Variants in CRIM1 observed in about 807,000 individuals in gnomAD.
The protein encoded by CRIM1 is cysteine-rich motor neuron 1 protein.
Under a neutral mutation model 116.4 loss-of-function variants are expected in CRIM1, and 32 were observed. That is an observed-to-expected ratio of 0.27 (90% CI 0.21 to 0.37). CRIM1 has a LOEUF of 0.37. Ranked by LOEUF, CRIM1 falls within the 10% of genes least tolerant of loss-of-function variation. The pLI, the probability that CRIM1 is intolerant of heterozygous loss-of-function variation, is 1.00. For synonymous variants in CRIM1, 590 were observed against 509.2 expected, an observed-to-expected ratio of 1.16 and a Z score of -2.13; for missense variants, 1,331 against 1,354.8, an observed-to-expected ratio of 0.98 and a Z score of 0.28.
intron 2 of CRIM1, among the ~76,000 whole-genome samples, chr2:36,435,976 G>T (rs1411908012): frequency 6.6e-6 from 1 of 150,736 alleles, no homozygotes; most frequent in Non-Finnish European, 1.5e-5. Flanking sequence ...ATCAGACATA[G>T]AAGTTATTTT....
intron 1 of CRIM1, among the ~76,000 whole-genome samples, chr2:36,388,393 T>G (rs1416307454): frequency 1.3e-5 from 2 of 152,222 alleles, no homozygotes; most frequent in African/African-American, 2.4e-5. Context: ...AAATTTAAAT[T>G]ATGACTGCCA....
intron 5 of CRIM1, among the ~76,000 whole-genome samples, 198 bp from the exon 6 acceptor site, chr2:36,476,691 G>C (rs1678998026): frequency 6.6e-6 from 1 of 152,148 alleles, no homozygotes; most frequent in Non-Finnish European, 1.5e-5. Flanking sequence ...GGTGTAAACT[G>C]GATAACAGTG....
At chr2:36,539,986 G>C (rs1666836515) in intron 14 of CRIM1, among the ~76,000 whole-genome samples, 1 of 152,072 alleles carries the variant, frequency 6.6e-6, no homozygotes, top group Non-Finnish European at 1.5e-5. Context: ...AAAGAAAAGA[G>C]AGCGCAGGAC....
At chr2:36,433,877 ACT>A (rs1331130840) in intron 2 of CRIM1, among the ~76,000 whole-genome samples, 5 of 152,146 alleles carry the variant, frequency 3.3e-5, no homozygotes, top group East Asian at 3.9e-4. Context: ...CCAAGAAAAG[ACT>A]CTGCAAAGAT....
In CRIM1 at chr2:36,482,279, G is replaced by A. The variant is rs572936754; in HGVS notation, c.1372+2585G>A. On this transcript the variant is annotated intron_variant, in intron 7 of 16. Transcript: ENST00000280527. ...GTTGAGTAGTGAGTTTCATATGAAT[G>A]TATTTACTCTCCAATAATGCTTTCA... Among the ~76,000 whole-genome samples, 3 of 152,180 alleles carry A rather than the reference G, an allele frequency of 2.0e-5. No individual in the cohort carries two copies. In the South Asian group the frequency reaches 6.2e-4, roughly 32 times the overall value.
intron 13 of CRIM1, among the ~76,000 whole-genome samples, chr2:36,525,457 G>C (rs996079995): frequency 1.3e-5 from 2 of 152,196 alleles, no homozygotes; most frequent in African/African-American, 4.8e-5. Context: ...GTTGCCAGCT[G>C]TGCTTCATTG....
rs566791961 is a variant in CRIM1 at position 36,397,023 on chromosome 2, C to T, written c.505+236C>T. 3.3e-5 allele frequency among the ~76,000 whole-genome samples: 5 copies of T among 152,230 alleles called. No individual in the cohort carries two copies. In the East Asian group the frequency reaches 7.7e-4, roughly 24 times the overall value. On this transcript the variant is annotated intron_variant, in intron 2 of 16. Transcript: ENST00000280527. ...GAGCAGGGCCCTCTGTGCCAGCCCTCCTAGGCCACCTCTGCATAATGGATG... is the reference window on the plus strand; with the variant it reads ...GAGCAGGGCCCTCTGTGCCAGCCCTTCTAGGCCACCTCTGCATAATGGATG...
At chr2:36,436,046 A>G (rs1675287659) in intron 2 of CRIM1, among the ~76,000 whole-genome samples, 1 of 151,860 alleles carries the variant, frequency 6.6e-6, no homozygotes, top group Non-Finnish European at 1.5e-5. Context: ...GACTTCAAAT[A>G]GATAAAATTA....
At chr2:36,487,297 G>A (rs1679895048) in intron 7 of CRIM1, among the ~76,000 whole-genome samples, 5 of 152,124 alleles carry the variant, frequency 3.3e-5, no homozygotes, top group Admixed American at 2.0e-4. Flanking sequence ...ACAAGGTCCC[G>A]CCAGATAATA....
chr2:36,535,146 GGA>G lies in CRIM1; in HGVS notation c.2429-2200_2429-2199del, dbSNP rs1260204759. 2.3e-4 allele frequency among the ~76,000 whole-genome samples: 30 copies of G among 132,996 alleles called. No individual in the cohort carries two copies. In the East Asian group the frequency reaches 2.8e-3, roughly 12 times the overall value. The allele number at this position is 132,996 out of a possible 152,430, so 87.3% of individuals were successfully genotyped here. A position where few individuals can be genotyped will look rare whatever the true frequency, so the allele number is the denominator to read the frequency against. Reference sequence around the variant, plus strand: ...GAGGGAGGGAGGGAAGGGGAAGGAAGGAGAGAGGGGGAAGGAAGGAGGACAGG... The same window carrying G: ...GAGGGAGGGAGGGAAGGGGAAGGAAGGAGAGGGGGAAGGAAGGAGGACAGG... On this transcript the variant is annotated intron_variant, in intron 13 of 16. Coordinates refer to ENST00000280527, the MANE Select transcript of CRIM1 (RefSeq NM_016441.3).
intron 4 of CRIM1, among the ~76,000 whole-genome samples, chr2:36,450,895 C>G (rs1189728623): frequency 6.6e-6 from 1 of 152,168 alleles, no homozygotes; most frequent in Admixed American, 6.5e-5. Flanking sequence ...CACACTGTTT[C>G]TTGTGAATAG....
At chr2:36,364,568 G>A (rs1420696237) in intron 1 of CRIM1, among the ~76,000 whole-genome samples, 1 of 152,150 alleles carries the variant, frequency 6.6e-6, no homozygotes, top group Non-Finnish European at 1.5e-5. Context: ...AGAAAGACCT[G>A]AGGGTCTCCT....
chr2:36,437,005 T>A (rs1346080515), intron 2 of CRIM1, among the ~76,000 whole-genome samples: 2 of 152,256 alleles, frequency 1.3e-5, no homozygotes, highest in African/African-American at 2.4e-5. Flanking sequence ...TAATTAAAAT[T>A]GTTTGTATAA....
Position 36,486,041 on chromosome 2 carries a change from A to T in CRIM1, c.1372+6347A>T, listed in dbSNP as rs139327595. Among the ~76,000 whole-genome samples, 693 of 152,306 alleles carry T rather than the reference A, an allele frequency of 4.6e-3. 18 individuals are homozygous for T. Among genetic ancestry groups the T allele is most frequent in the Admixed American group, 0.042 (637 of 15,300 alleles). ...TAACATAAACATCAGAAATTTTTCA[A>T]TGTTGAATATTGTCATATTTTGATT... is the stretch of plus-strand genomic sequence containing the variant. On this transcript the variant is annotated intron_variant, in intron 7 of 16. Transcript: ENST00000280527.
At chr2:36,494,287 G>A (rs180764448) in intron 7 of CRIM1, among the ~76,000 whole-genome samples, 45 of 152,232 alleles carry the variant, frequency 3.0e-4, no homozygotes, top group Non-Finnish European at 5.4e-4. Flanking sequence ...TACCGATGGT[G>A]TTTTTCAATA....
intron 10 of CRIM1, among the ~76,000 whole-genome samples, chr2:36,513,093 T>C (rs1664799248): frequency 6.6e-6 from 1 of 152,196 alleles, no homozygotes; most frequent in Non-Finnish European, 1.5e-5. Context: ...GTTACCACCT[T>C]AATGGTGTTT....
chr2:36,455,157 G>C (rs964895827), intron 4 of CRIM1, among the ~76,000 whole-genome samples: 4 of 152,120 alleles, frequency 2.6e-5, no homozygotes, highest in African/African-American at 9.7e-5. Flanking sequence ...TGTGACTTCA[G>C]AGAGTTCAGA....
At position 36,422,402 on chromosome 2, in the gene CRIM1, T is replaced by G. The variant is rs145765070; in HGVS notation, c.506-18856T>G. On this transcript the variant is annotated intron_variant, in intron 2 of 16. Coordinates refer to ENST00000280527, the MANE Select transcript of CRIM1 (RefSeq NM_016441.3). ...AAGGTGGCAGGGTGGTAAACCTTTCTCCCCCTGCATAATTGAATAGTTTTA... is the reference window on the plus strand; with the variant it reads ...AAGGTGGCAGGGTGGTAAACCTTTCGCCCCCTGCATAATTGAATAGTTTTA... Among the ~76,000 whole-genome samples, 1,311 of 152,226 alleles carry G rather than the reference T, an allele frequency of 8.6e-3. 50 individuals carry two copies. In the East Asian group the frequency reaches 0.089, roughly 10 times the overall value.
intron 7 of CRIM1, among the ~76,000 whole-genome samples, chr2:36,491,143 C>A (rs1220152916): frequency 6.6e-6 from 1 of 152,168 alleles, no homozygotes; most frequent in African/African-American, 2.4e-5. Context: ...GAAGTGAATT[C>A]TCCAGATAAT....
Sources: allele counts gnomAD v4.1 joint callset (sites outside exome capture counted in the v4.1 genomes callset), GRCh38; gene constraint gnomAD v4.1.1; transcripts MANE v1.5; gene names NCBI Gene and HGNC (gene_info 2026-07-23, HGNC 2026-07-21).